Variants in RNF4 observed in about 807,000 individuals in gnomAD.
The protein encoded by RNF4 is E3 ubiquitin-protein ligase RNF4.
RNF4 carries 7 observed loss-of-function variants against 24.3 expected under a neutral mutation model. The ratio of observed to expected loss-of-function variants is 0.29; its 90% CI spans 0.16 to 0.54. The LOEUF (loss-of-function observed/expected upper bound fraction) is 0.54. RNF4 is among the 20% of genes least tolerant of loss of function. The pLI, the probability that RNF4 is intolerant of heterozygous loss-of-function variation, is 0.95. For missense variants in RNF4, 209 were observed against 248.5 expected (o/e 0.84, Z 1.07); for synonymous variants, 83 against 84.3 (o/e 0.98, Z 0.09).
In RNF4 at chr4:2,513,726, C is replaced by T. The variant is rs765821901; in HGVS notation, c.480C>T (p.Ser160=). ...VSTECGHVFC[S]QCLRDSLKNA... ...CAGAATGCGGCCATGTCTTCTGTAG[C>T]CAGTGCCTCCGTGATTCCCTGAAGA... Residue 160 remains serine, a synonymous_variant, in exon 8 of 8, where the codon AGC becomes AGT. Transcript: ENST00000314289. The T allele has an allele frequency of 6.2e-7, 1 of 1,613,842 alleles. No homozygotes were observed. The highest frequency in any genetic ancestry group is 1.3e-5 in the African/African-American group (1 of 74,896).
In RNF4 at chr4:2,501,195, A is replaced by G. The variant is rs569912864; in HGVS notation, c.204+457A>G. On this transcript the variant is annotated intron_variant, in intron 4 of 7. Transcript: ENST00000314289. ...CACTCATGTCAGCAGGGCATGGTGTAAGACATCTTACAACAGATGCCGTGT... is the reference window on the plus strand; with the variant it reads ...CACTCATGTCAGCAGGGCATGGTGTGAGACATCTTACAACAGATGCCGTGT... Among the ~76,000 whole-genome samples, 6 of 152,364 alleles carry G rather than the reference A, an allele frequency of 3.9e-5. No individual in the cohort carries two copies. The South Asian group carries it at 1.0e-3, about 26-fold the overall frequency.
At chr4:2,513,023 CAG>C (rs1736311926) in intron 6 of RNF4, 58 bp from the exon 7 acceptor site, 2 of 1,508,838 alleles carry the variant, frequency 1.3e-6, no homozygotes, top group East Asian at 2.3e-5. Context: ...ACTCACGTGA[CAG>C]GGTATAATAA....
intron 4 of RNF4, chr4:2,505,417 C>T (rs889223324): frequency 1.3e-4 from 20 of 151,846 alleles, no homozygotes; most frequent in African/African-American, 3.6e-4. Flanking sequence ...GCTCCGCCTC[C>T]TGGGTTCACA....
Position 2,497,880 on chromosome 4 carries a change from C to T in RNF4, c.124+759C>T, listed in dbSNP as rs942820475. On this transcript the variant is annotated intron_variant, in intron 3 of 7. Coordinates refer to ENST00000314289, the MANE Select transcript of RNF4 (RefSeq NM_002938.5). ...CGATCTCCTGACCTTGTGATCCACCCGTCTCGGCCTCCCAAAGTGCTGGTA... is the reference window on the plus strand; with the variant it reads ...CGATCTCCTGACCTTGTGATCCACCTGTCTCGGCCTCCCAAAGTGCTGGTA... Among the ~76,000 whole-genome samples, 10 of 152,254 alleles carry T rather than the reference C, an allele frequency of 6.6e-5. No homozygotes were observed. The East Asian group carries it at 9.7e-4, about 15-fold the overall frequency.
In RNF4 at chr4:2,513,702, A is replaced by G; in HGVS notation, c.456A>G (p.Thr152=). The change falls in exon 8 of 8, where the codon ACA becomes ACG. Residue 152 remains threonine (T), a synonymous_variant. Transcript: ENST00000314289. ...AGAATGGACGTCTCATCGTTTCCAC[A>G]GAATGCGGCCATGTCTTCTGTAGCC... ...IVQNGRLIVS[T]ECGHVFCSQC... 1 of 1,613,998 alleles carries G rather than the reference A, an allele frequency of 6.2e-7. No individual in the cohort carries two copies. The highest frequency in any genetic ancestry group is 8.5e-7 in the Non-Finnish European group (1 of 1,179,886).
At chr4:2,492,260 A>G (rs1735605152) in intron 2 of RNF4, among the ~76,000 whole-genome samples, 1 of 151,894 alleles carries the variant, frequency 6.6e-6, no homozygotes, top group Non-Finnish European at 1.5e-5. Flanking sequence ...ACCCAGGCTG[A>G]TCTTGAACTC....
At chr4:2,505,568 G>C in intron 4 of RNF4, 1 of 149,284 alleles carries the variant, frequency 6.7e-6, no homozygotes, top group Non-Finnish European at 1.5e-5. Context: ...CTCGTGATCC[G>C]CCCGCCTCGG....
intron 1 of RNF4, among the ~76,000 whole-genome samples, chr4:2,471,849 G>T (rs2108746057): frequency 6.6e-6 from 1 of 152,298 alleles, no homozygotes; most frequent in South Asian, 2.1e-4. Flanking sequence ...TTTGAAACTG[G>T]CAGAGGTTAG....
At position 2,512,224 on chromosome 4, in the gene RNF4, C is replaced by A. The variant is rs371876024; in HGVS notation, c.215-214C>A. The A allele has an allele frequency of 1.5e-6, 1 of 663,434 alleles. No homozygotes were observed. The highest frequency in any genetic ancestry group is 2.6e-6 in the Non-Finnish European group (1 of 388,846). The allele number at this position is 663,434 out of a possible 1,614,324, so 41.1% of individuals were successfully genotyped here. ...CAGATTTTGGAGAAGGCTGGTAGCT[C>A]ACAGCAGGGGTTGGGGGGTTTCTCC... On this transcript the variant is annotated intron_variant, in intron 5 of 7. Transcript: ENST00000314289. This position sits in a 1 kb window ranked among gnomAD's most constrained non-coding sequence, Gnocchi z 4.1.
At chr4:2,490,531 A>T (rs752372271) in intron 2 of RNF4, 29 bp downstream of exon 2, 1 of 1,605,856 alleles carries the variant, frequency 6.2e-7, no homozygotes, top group South Asian at 1.1e-5. Context: ...TGAATTTTTA[A>T]TTTTGTAGGG....
chr4:2,495,949 A>G (rs1735725275), intron 2 of RNF4, among the ~76,000 whole-genome samples: 1 of 152,178 alleles, frequency 6.6e-6, no homozygotes, highest in Non-Finnish European at 1.5e-5. Flanking sequence ...CTCTTGATTA[A>G]GGTGGAGGAT....
intron 1 of RNF4, among the ~76,000 whole-genome samples, chr4:2,471,854 G>C (rs1002051965): frequency 4.6e-5 from 7 of 152,186 alleles, no homozygotes; most frequent in African/African-American, 1.7e-4. Context: ...AACTGGCAGA[G>C]GTTAGTTCAT....
chr4:2,502,424 G>T (rs567741786), intron 4 of RNF4, among the ~76,000 whole-genome samples: 2 of 152,000 alleles, frequency 1.3e-5, no homozygotes, highest in Admixed American at 6.6e-5. Flanking sequence ...GGTGGCTCAC[G>T]CCTGTAATCT....
chr4:2,500,630 A>G (rs1330546338), intron 3 of RNF4, 29 bp from the exon 4 acceptor site: 9 of 1,609,342 alleles, frequency 5.6e-6, no homozygotes, highest in Non-Finnish European at 6.8e-6. Flanking sequence ...TCTTAATCTT[A>G]ATGCTTGTTG....
At chr4:2,481,261 C>T (rs1281247177) in intron 1 of RNF4, 1 of 152,182 alleles carries the variant, frequency 6.6e-6, no homozygotes, top group Admixed American at 6.5e-5. Context: ...ATGTGTAGAG[C>T]TTTACTACCA....
intron 1 of RNF4, among the ~76,000 whole-genome samples, chr4:2,472,667 CAT>C (rs1396955611): frequency 6.6e-6 from 1 of 151,020 alleles, no homozygotes; most frequent in Non-Finnish European, 1.5e-5. Flanking sequence ...GCTACAGCTA[CAT>C]AGATTGTGAT....
At chr4:2,475,434 G>C (rs1254387506) in intron 1 of RNF4, among the ~76,000 whole-genome samples, 2 of 152,156 alleles carry the variant, frequency 1.3e-5, no homozygotes, top group East Asian at 1.9e-4. Flanking sequence ...CGCCTCCCAG[G>C]TTCACGCCAT....
At chr4:2,484,622 G>T (rs770688701) in intron 1 of RNF4, among the ~76,000 whole-genome samples, 3 of 148,376 alleles carry the variant, frequency 2.0e-5, no homozygotes, top group Admixed American at 6.7e-5. Context: ...CTGCTAGAGT[G>T]GGGGGGGTCA....
chr4:2,475,853 A>G (rs539156728), intron 1 of RNF4, among the ~76,000 whole-genome samples: 2 of 152,314 alleles, frequency 1.3e-5, no homozygotes, highest in South Asian at 4.1e-4. Context: ...GCCCAAGGTC[A>G]CACAATTAGT....
Sources: gnomAD v4.1 joint callset for allele counts (sites outside exome capture counted in the v4.1 genomes callset) on GRCh38, gnomAD v4.1.1 for gene constraint, Gnocchi (gnomAD v3.1) non-coding constraint, MANE v1.5 for transcripts, NCBI Gene and HGNC (gene_info 2026-07-23, HGNC 2026-07-21) for gene names.